Variants in ADAMTS6 observed in about 807,000 individuals in gnomAD.
ADAMTS6 encodes the protein A disintegrin and metalloproteinase with thrombospondin motifs 6.
ADAMTS6 carries 23 observed loss-of-function variants against 144.3 expected under a neutral mutation model. The observed-to-expected ratio is 0.16, with a 90% CI of 0.11 to 0.23. The LOEUF is 0.23. Ranked by LOEUF, ADAMTS6 falls within the 10% of genes least tolerant of loss-of-function variation. ADAMTS6 has a pLI of 1.00. For missense variants in ADAMTS6, 999 were observed against 1,379.6 expected (o/e 0.72, Z 4.37); for synonymous variants, 444 against 457.5 (o/e 0.97, Z 0.38).
intron 24 of ADAMTS6, among the ~76,000 whole-genome samples, chr5:65,164,348 G>C (rs1237022440): frequency 6.6e-6 from 1 of 152,324 alleles, no homozygotes; most frequent in African/African-American, 2.4e-5. Context: ...CGCACCAGGA[G>C]ATTATATCCC....
intron 18 of ADAMTS6, among the ~76,000 whole-genome samples, chr5:65,220,613 C>T (rs1466541279): frequency 1.3e-5 from 2 of 151,872 alleles, no homozygotes; most frequent in Non-Finnish European, 2.9e-5. Flanking sequence ...CGGGCGTCAA[C>T]GTGGGTGCCT....
intron 8 of ADAMTS6, among the ~76,000 whole-genome samples, chr5:65,331,043 A>T (rs1746670380): frequency 1.3e-5 from 2 of 152,082 alleles, no homozygotes; most frequent in Non-Finnish European, 2.9e-5. Flanking sequence ...GAAAAATAAA[A>T]TGAGAAGTAG....
intron 7 of ADAMTS6, among the ~76,000 whole-genome samples, chr5:65,408,550 G>A (rs1296248471): frequency 2.0e-5 from 3 of 152,030 alleles, no homozygotes; most frequent in Non-Finnish European, 2.9e-5. Flanking sequence ...AATAATAATG[G>A]GAGACTTTAA....
intron 7 of ADAMTS6, among the ~76,000 whole-genome samples, chr5:65,366,012 A>C (rs566974854): frequency 1.8e-4 from 27 of 151,020 alleles, no homozygotes; most frequent in African/African-American, 3.2e-4. Flanking sequence ...AATAAAACAA[A>C]AAAAAAAATC....
rs756667783 is a variant in ADAMTS6, at chr5:65,350,803, G to A, written c.1074-16718C>T. Among the ~76,000 whole-genome samples, 18 of 152,006 alleles carry A rather than the reference G, an allele frequency of 1.2e-4. 1 individual carries two copies. Among genetic ancestry groups the A allele is most frequent in the Admixed American group, 3.3e-4 (5 of 15,248 alleles). The stretch of plus-strand genomic sequence containing the variant: ...TGAGTAGATGGGATTACAGGCTTGC[G>A]CAACCAGGCCCGGCCAATTTTTGTA... On this transcript the variant is annotated intron_variant, in intron 7 of 24. Transcript: ENST00000381055.
rs986110373 is a variant in ADAMTS6, at chr5:65,473,930, C to G, written c.-257G>C. On this transcript the variant is annotated 5_prime_UTR_variant, in exon 2 of 25. It removes the in-frame stop codon of an upstream open reading frame in the 5' UTR. Coordinates refer to ENST00000381055, the MANE Select transcript of ADAMTS6 (RefSeq NM_197941.4). ...AGCAAAGCATTAGGCTGATTAGTTA[C>G]TAAAGTATGGCCATTTTTTAACCTA... The G allele has an allele frequency of 1.1e-5, 5 of 437,398 alleles. No homozygotes were observed. Among genetic ancestry groups the G allele is most frequent in the Non-Finnish European group, 2.0e-5 (5 of 248,314 alleles). The allele number at this position is 437,398 out of a possible 1,614,324, so 27.1% of individuals were successfully genotyped here.
chr5:65,230,689 A>C (rs867874962), intron 15 of ADAMTS6, among the ~76,000 whole-genome samples: 1 of 81,016 alleles, frequency 1.2e-5, no homozygotes, highest in South Asian at 3.8e-4. Context: ...AATATATATA[A>C]CACATATGTA....
intron 5 of ADAMTS6, 47 bp from the exon 6 acceptor site, chr5:65,452,263 T>C: frequency 1.9e-6 from 3 of 1,555,674 alleles, no homozygotes; most frequent in Non-Finnish European, 2.7e-6. Flanking sequence ...ACAAAAATTA[T>C]AGGGTGATAG....
intron 11 of ADAMTS6, among the ~76,000 whole-genome samples, chr5:65,279,377 T>C (rs1040971721): frequency 1.2e-4 from 18 of 152,280 alleles, no homozygotes; most frequent in African/African-American, 4.3e-4. Flanking sequence ...AGTGCAATGG[T>C]GCCATCTAGG....
At chr5:65,152,812 T>A (rs537903235) in intron 24 of ADAMTS6, among the ~76,000 whole-genome samples, 1 of 152,362 alleles carries the variant, frequency 6.6e-6, no homozygotes, top group Non-Finnish European at 1.5e-5. Flanking sequence ...TAATATTCTT[T>A]TCCAGTATTC....
chr5:65,294,977 A>G (rs28565284), intron 10 of ADAMTS6, among the ~76,000 whole-genome samples: 92,878 of 151,960 alleles, frequency 0.61, 30,279 homozygotes, highest in African/African-American at 0.86. Context: ...AGTCTTTTGT[A>G]ACTTTATTCT....
chr5:65,374,796 C>T (rs1420687716), intron 7 of ADAMTS6, among the ~76,000 whole-genome samples: 7 of 152,082 alleles, frequency 4.6e-5, no homozygotes, highest in Non-Finnish European at 7.4e-5. Context: ...GAGCCTGCAT[C>T]GCCATGTCAA....
intron 24 of ADAMTS6, among the ~76,000 whole-genome samples, chr5:65,163,206 C>T (rs929347318): frequency 3.9e-5 from 6 of 152,088 alleles, no homozygotes; most frequent in African/African-American, 1.4e-4. Flanking sequence ...CCACCACACC[C>T]AGCTAAGAGA....
intron 22 of ADAMTS6, among the ~76,000 whole-genome samples, chr5:65,173,603 A>G (rs1043017778): frequency 9.9e-5 from 15 of 152,172 alleles, no homozygotes; most frequent in African/African-American, 3.6e-4. Flanking sequence ...TGAGGGAAGG[A>G]TGTTTTTCCC....
At chr5:65,422,920 G>A (rs1344290541) in intron 7 of ADAMTS6, among the ~76,000 whole-genome samples, 2 of 152,090 alleles carry the variant, frequency 1.3e-5, no homozygotes, top group Non-Finnish European at 2.9e-5. Flanking sequence ...ATCAAACGAT[G>A]AATGGATTAA....
At position 65,335,852 on chromosome 5, in the gene ADAMTS6, A is replaced by G. The variant is rs959193567; in HGVS notation, c.1074-1767T>C. 2.0e-5 allele frequency among the ~76,000 whole-genome samples: 3 copies of G among 152,158 alleles called. No homozygotes were observed. In the East Asian group the frequency reaches 5.8e-4, roughly 29 times the overall value. On this transcript the variant is annotated intron_variant, in intron 7 of 24. Coordinates refer to ENST00000381055, the MANE Select transcript of ADAMTS6 (RefSeq NM_197941.4). ...CTACTTAAAAACAAAATATAGAAAT[A>G]CAGACAAAACAGTGAATACACATAG...
At chr5:65,164,363 C>A (rs57268119) in intron 24 of ADAMTS6, among the ~76,000 whole-genome samples, 33 of 149,042 alleles carry the variant, frequency 2.2e-4, no homozygotes, top group Middle Eastern at 3.4e-3. Context: ...TATCCCGCAC[C>A]TGGCTCGGAG....
chr5:65,412,724 A>C lies in ADAMTS6; in HGVS notation c.1073+38751T>G, dbSNP rs1755153909. Among the ~76,000 whole-genome samples, 4 of 152,170 alleles carry C rather than the reference A, an allele frequency of 2.6e-5. No individual in the cohort carries two copies. In the South Asian group the frequency reaches 8.3e-4, roughly 31 times the overall value. ...GGTCAAAAACAAAATGCTTATGCAA[A>C]ATACATATTTGATATCAAATAACAA... On this transcript the variant is annotated intron_variant, in intron 7 of 24. Transcript: ENST00000381055.
chr5:65,160,931 C>A (rs755078597), intron 24 of ADAMTS6, among the ~76,000 whole-genome samples: 1 of 152,102 alleles, frequency 6.6e-6, no homozygotes, highest in Non-Finnish European at 1.5e-5. Context: ...GGATTATAGG[C>A]GTGAGCCACC....
Sources: gnomAD v4.1 joint callset for allele counts (sites outside exome capture counted in the v4.1 genomes callset) on GRCh38, gnomAD v4.1.1 for gene constraint, MANE v1.5 for transcripts, NCBI Gene and HGNC (gene_info 2026-07-23, HGNC 2026-07-21) for gene names.